The following SBSPON variants were observed in gnomAD, a reference collection of about 807,000 sequenced individuals.
SBSPON encodes the protein somatomedin B and thrombospondin type 1 domain containing.
A neutral mutation model predicts 35.8 loss-of-function variants in SBSPON; 30 were observed. That is an observed-to-expected ratio of 0.84 (90% CI 0.63 to 1.14). The LOEUF is 1.14. SBSPON is among the 50% of genes most tolerant of loss of function. The pLI, the probability that SBSPON is intolerant of heterozygous loss-of-function variation, is 0.00. For missense variants in SBSPON, 364 were observed against 357.7 expected, an observed-to-expected ratio of 1.02 and a Z score of -0.14; for synonymous variants, 136 against 135.9, an observed-to-expected ratio of 1.00 and a Z score of 0.00.
At chr8:73,085,342 C>T (rs1324532556) in intron 1 of SBSPON, 1 of 151,962 alleles carries the variant, frequency 6.6e-6, no homozygotes, top group Non-Finnish European at 1.5e-5. Flanking sequence ...AAGTAACAAG[C>T]TTCTTTACTT....
At chr8:73,075,369 C>T (rs987418411) in intron 2 of SBSPON, among the ~76,000 whole-genome samples, 1 of 152,004 alleles carries the variant, frequency 6.6e-6, no homozygotes, top group Non-Finnish European at 1.5e-5. Context: ...TTTAATACAC[C>T]CCCCCCAAAT....
intron 3 of SBSPON, among the ~76,000 whole-genome samples, chr8:73,070,557 T>G (rs912022282): frequency 6.6e-6 from 1 of 152,186 alleles, no homozygotes; most frequent in Admixed American, 6.5e-5. Context: ...CACAGTTACA[T>G]TGGGCATCGC....
At chr8:73,068,683 C>T (rs572125997) in intron 4 of SBSPON, among the ~76,000 whole-genome samples, 59 of 152,164 alleles carry the variant, frequency 3.9e-4, no homozygotes, top group African/African-American at 1.4e-3. Flanking sequence ...GCAGAGGTGA[C>T]CCCACCACTG....
chr8:73,071,278 T>C (rs781418828), intron 3 of SBSPON, among the ~76,000 whole-genome samples: 80 of 152,230 alleles, frequency 5.3e-4, no homozygotes, highest in Non-Finnish European at 1.1e-3. Flanking sequence ...TTCAAGGTCT[T>C]ATGCTAGTGA....
rs1810406707 is a variant in SBSPON, at chr8:73,067,347, A to G, written c.789T>C (p.Phe263=). 1.3e-6 allele frequency: 2 copies of G among 1,545,748 alleles called. No individual in the cohort carries two copies. Among genetic ancestry groups the G allele is most frequent in the African/African-American group, 1.4e-5 (1 of 73,436 alleles). The change falls in exon 5 of 5, where the codon TTT becomes TTC. Residue 263 remains phenylalanine (F), a synonymous_variant. Coordinates refer to ENST00000297354, the MANE Select transcript of SBSPON (RefSeq NM_153225.4). ...GAAATATTTATATCACCATCTATAT[A>G]AAAATAAAACTGTGAACAGCTGGAC... ...CSCPAVHSFI[F]I is the part of the protein sequence containing the mutation.
intron 2 of SBSPON, among the ~76,000 whole-genome samples, chr8:73,074,308 T>G (rs1045993827): frequency 6.6e-6 from 1 of 152,190 alleles, no homozygotes; most frequent in African/African-American, 2.4e-5. Flanking sequence ...CATAAATATA[T>G]GATTCTAGTT....
At chr8:73,081,660 A>G (rs576633559) in intron 1 of SBSPON, among the ~76,000 whole-genome samples, 2 of 152,320 alleles carry the variant, frequency 1.3e-5, no homozygotes, top group African/African-American at 4.8e-5. Flanking sequence ...AAGTATAAAA[A>G]AGAAAATGTA....
In SBSPON at chr8:73,066,002, C is replaced by T. The variant is rs1810381472; in HGVS notation, c.*1339G>A. 1 of 151,710 alleles carries T rather than the reference C, an allele frequency of 6.6e-6. No homozygotes were observed. The highest frequency in any genetic ancestry group is 2.4e-5 in the African/African-American group (1 of 41,290). The allele number at this position is 151,710 out of a possible 1,614,324, so 9.4% of individuals were successfully genotyped here. A position where few individuals can be genotyped will look rare whatever the true frequency, so the allele number is the denominator to read the frequency against. ...ATACAGTAAAAAATATTGCTACTCT[C>T]GGTGTTATTAATTATTGGGGAAATC... On this transcript the variant is annotated 3_prime_UTR_variant, in exon 5 of 5. Transcript: ENST00000297354.
rs758479783 is a variant in SBSPON at position 73,092,861 on chromosome 8, C to A, written c.207G>T (p.Ala69=). ...TGDCCFDYDR[A]CPARPCFVGE... is the part of the protein sequence containing the mutation. ...CTCGGCCTGACCACCCACCTGGGCA[C>A]GCCCTGTCGTAGTCGAAGCAGCAGT... Residue 69 remains alanine (A), a synonymous_variant, in exon 1 of 5, where the codon GCG becomes GCT. Coordinates refer to ENST00000297354, the MANE Select transcript of SBSPON (RefSeq NM_153225.4). The A allele has an allele frequency of 1.2e-6, 2 of 1,610,104 alleles. No homozygotes were observed. Among genetic ancestry groups the A allele is most frequent in the African/African-American group, 1.3e-5 (1 of 74,670 alleles).
At chr8:73,092,673 C>G (rs1303359806) in intron 1 of SBSPON, among the ~76,000 whole-genome samples, 181 bp downstream of exon 1, 1 of 152,110 alleles carries the variant, frequency 6.6e-6, no homozygotes, top group Non-Finnish European at 1.5e-5. Flanking sequence ...TAGCAGGGGA[C>G]TGGGAGACCC....
intron 1 of SBSPON, among the ~76,000 whole-genome samples, chr8:73,088,662 A>C (rs897242021): frequency 6.6e-6 from 1 of 151,226 alleles, no homozygotes; most frequent in African/African-American, 2.4e-5. Flanking sequence ...CAGCCTAGGC[A>C]ACAGAATCAG....
At chr8:73,092,766 G>A in intron 1 of SBSPON, 88 bp downstream of exon 1, 1 of 1,016,650 alleles carries the variant, frequency 9.8e-7, no homozygotes, top group East Asian at 2.7e-5. Flanking sequence ...CCTGGCTCAG[G>A]GACTGAGGTC....
chr8:73,081,255 G>A lies in SBSPON; in HGVS notation c.215-42C>T, dbSNP rs747808725. Reference sequence around the variant, plus strand: ...TAGGACGCTCACCTGAGTAAATCCCGCCAGGCTGGCAGGCTGTTCCCGCCA... The same window carrying A: ...TAGGACGCTCACCTGAGTAAATCCCACCAGGCTGGCAGGCTGTTCCCGCCA... On this transcript the variant is annotated intron_variant, in intron 1 of 4. Coordinates refer to ENST00000297354, the MANE Select transcript of SBSPON (RefSeq NM_153225.4). 18 of 1,480,640 alleles carry A rather than the reference G, an allele frequency of 1.2e-5. 1 individual carries two copies. The Admixed American group carries it at 1.9e-4, about 16-fold the overall frequency. The allele number at this position is 1,480,640 out of a possible 1,614,324, so 91.7% of individuals were successfully genotyped here. A position where few individuals can be genotyped will look rare whatever the true frequency, so the allele number is the denominator to read the frequency against.
Position 73,081,144 on chromosome 8 carries a change from C to T in SBSPON, c.284G>A (p.Arg95His), listed in dbSNP as rs757345283. The T allele has an allele frequency of 1.5e-5, 25 of 1,613,336 alleles. No individual in the cohort carries two copies. The highest frequency in any genetic ancestry group is 6.7e-5 in the East Asian group (3 of 44,858). The change falls in exon 2 of 5, where the codon CGT becomes CAT. Residue 95 changes from arginine to histidine, a missense_variant. Physicochemically the swap from Arg to His is conservative, Grantham distance 29. Coordinates refer to ENST00000297354, the MANE Select transcript of SBSPON (RefSeq NM_153225.4). ...GCADQCKPTT[R>H]VRRRSVQQEP... ...CTGCTGCACCGAGCGCCTCCGCACA[C>T]GGGTTGTAGGCTTGCACTGGTCTGC...
chr8:73,071,375 C>T (rs1810489865), intron 3 of SBSPON, among the ~76,000 whole-genome samples: 1 of 152,142 alleles, frequency 6.6e-6, no homozygotes, highest in Non-Finnish European at 1.5e-5. Context: ...GTGAAGGTGA[C>T]TTCCAGCCTG....
intron 3 of SBSPON, among the ~76,000 whole-genome samples, 165 bp downstream of exon 3, chr8:73,071,615 G>C (rs548869890): frequency 6.6e-6 from 1 of 152,284 alleles, no homozygotes; most frequent in Non-Finnish European, 1.5e-5. Context: ...CAAAAACCAG[G>C]AGGGGACAAG....
chr8:73,069,782 C>T (rs367750043), intron 4 of SBSPON, 23 bp downstream of exon 4: 115 of 1,599,334 alleles, frequency 7.2e-5, no homozygotes, highest in Non-Finnish European at 9.2e-5. Flanking sequence ...AAGAAAAGTA[C>T]TTCAGTTAAT....
rs1267767659 is a variant in SBSPON at position 73,065,904 on chromosome 8, G to C, written c.*1437C>G. On this transcript the variant is annotated 3_prime_UTR_variant, in exon 5 of 5. Coordinates refer to ENST00000297354, the MANE Select transcript of SBSPON (RefSeq NM_153225.4). ...GACTTAAAGTTGCTAGCCTTGATGA[G>C]ACTCACATATTTTATTATTAATTTC... 6.6e-6 allele frequency: 1 copy of C among 152,058 alleles called. No individual in the cohort carries two copies. Among genetic ancestry groups the C allele is most frequent in the Non-Finnish European group, 1.5e-5 (1 of 68,034 alleles). 9.4% of individuals were successfully genotyped at this position (152,058 alleles called of 1,614,324 possible). A position where few individuals can be genotyped will look rare whatever the true frequency, so the allele number is the denominator to read the frequency against.
rs912549657 is a variant in SBSPON, at chr8:73,066,004, G to T, written c.*1337C>A. ...ACAGTAAAAAATATTGCTACTCTCG[G>T]TGTTATTAATTATTGGGGAAATCTC... On this transcript the variant is annotated 3_prime_UTR_variant, in exon 5 of 5. Coordinates refer to ENST00000297354, the MANE Select transcript of SBSPON (RefSeq NM_153225.4). The T allele has an allele frequency of 3.3e-5, 5 of 151,994 alleles. No homozygotes were observed. Among genetic ancestry groups the T allele is most frequent in the African/African-American group, 1.2e-4 (5 of 41,402 alleles). 9.4% of individuals were successfully genotyped at this position (151,994 alleles called of 1,614,324 possible).
Sources: allele counts gnomAD v4.1 joint callset (sites outside exome capture counted in the v4.1 genomes callset), GRCh38; gene constraint gnomAD v4.1.1; transcripts MANE v1.5; gene names NCBI Gene and HGNC (gene_info 2026-07-23, HGNC 2026-07-21).